The following ANKRD6 variants were observed in gnomAD, a reference collection of about 807,000 sequenced individuals.
ANKRD6 encodes ankyrin repeat domain-containing protein 6.
ANKRD6 carries 56 observed loss-of-function variants against 82.3 expected under a neutral mutation model. The ratio of observed to expected loss-of-function variants is 0.68; its 90% CI spans 0.55 to 0.85. The LOEUF (loss-of-function observed/expected upper bound fraction) is 0.85, where lower values mean the gene tolerates loss of function less well. ANKRD6 is among the 40% of genes least tolerant of loss of function. The pLI is 0.00. For synonymous variants in ANKRD6, 347 were observed against 352.1 expected (o/e 0.99, Z 0.16); for missense variants, 852 against 907.6 (o/e 0.94, Z 0.79).
At chr6:89,520,057 G>A (rs1275145735) in intron 1 of ANKRD6, among the ~76,000 whole-genome samples, 4 of 152,060 alleles carry the variant, frequency 2.6e-5, no homozygotes, top group African/African-American at 4.8e-5. Flanking sequence ...GCACAATCAC[G>A]GCTCACTTGC....
chr6:89,478,709 A>AT (rs1776382381), intron 1 of ANKRD6, among the ~76,000 whole-genome samples: 3 of 146,768 alleles, frequency 2.0e-5, no homozygotes, highest in African/African-American at 7.6e-5. Flanking sequence ...ATGAGCTGAG[A>AT]TTGCACCACT....
intron 5 of ANKRD6, 137 bp downstream of exon 5, chr6:89,606,242 C>A: frequency 1.6e-6 from 1 of 634,752 alleles, no homozygotes. Flanking sequence ...CCATTCGGCC[C>A]AGAAGTTTCA....
rs1775191767 is a variant in ANKRD6, at chr6:89,469,302, G to A, written c.-144+35927G>A. On this transcript the variant is annotated intron_variant, in intron 1 of 15. Transcript: ENST00000339746. ...GCCACTGTTTTCATTCACAACCTTA[G>A]CTCAGATCTCTGCCACATTAGCTTT... Among the ~76,000 whole-genome samples, 3 of 152,048 alleles carry A rather than the reference G, an allele frequency of 2.0e-5. 1 individual carries two copies. The highest frequency in any genetic ancestry group is 4.1e-4 in the South Asian group (2 of 4,820).
intron 1 of ANKRD6, among the ~76,000 whole-genome samples, chr6:89,440,988 T>A (rs1771302957): frequency 6.6e-6 from 1 of 152,174 alleles, no homozygotes; most frequent in Admixed American, 6.5e-5. Flanking sequence ...TTTTACTATC[T>A]GTTTTTTTAC....
rs544795944 is a variant in ANKRD6, at chr6:89,438,888, C to T, written c.-144+5513C>T. Among the ~76,000 whole-genome samples the T allele has an allele frequency of 5.3e-5, 8 of 152,244 alleles. No homozygotes were observed. The East Asian group carries it at 9.6e-4, about 18-fold the overall frequency. On this transcript the variant is annotated intron_variant, in intron 1 of 15. Coordinates refer to ENST00000339746, the MANE Select transcript of ANKRD6 (RefSeq NM_001242809.2). ...GAACTCCTGACCTCAGGTGATCCGC[C>T]GGCCTCGGCCTCCTAAAGTGCTGGG...
chr6:89,619,701 T>C (rs746997719), intron 9 of ANKRD6: 12 of 152,246 alleles, frequency 7.9e-5, no homozygotes, highest in Non-Finnish European at 1.5e-4. Flanking sequence ...CAAGGAACTT[T>C]AGGCATAAGA....
At chr6:89,571,145 G>A (rs1339479702) in intron 2 of ANKRD6, among the ~76,000 whole-genome samples, 1 of 152,060 alleles carries the variant, frequency 6.6e-6, no homozygotes, top group African/African-American at 2.4e-5. Context: ...TCCACCTCCC[G>A]GGTTCACGCC....
chr6:89,530,308 A>G (rs183879789), intron 1 of ANKRD6, among the ~76,000 whole-genome samples: 252 of 152,188 alleles, frequency 1.7e-3, no homozygotes, highest in Non-Finnish European at 3.1e-3. Flanking sequence ...TGACATATGG[A>G]CATGAAGTGA....
At chr6:89,511,773 TTTTG>T (rs1027260609) in intron 1 of ANKRD6, among the ~76,000 whole-genome samples, 14 of 152,168 alleles carry the variant, frequency 9.2e-5, no homozygotes, top group African/African-American at 1.7e-4. Context: ...AACTACATTT[TTTTG>T]TTTGTTTTAG....
At chr6:89,552,219 G>A (rs923526159) in intron 1 of ANKRD6, among the ~76,000 whole-genome samples, 1 of 152,210 alleles carries the variant, frequency 6.6e-6, no homozygotes, top group African/African-American at 2.4e-5. Context: ...GTATTCTTGC[G>A]AAGCATGTCC....
intron 2 of ANKRD6, among the ~76,000 whole-genome samples, chr6:89,595,194 T>G (rs1487037127): frequency 6.6e-6 from 1 of 152,138 alleles, no homozygotes; most frequent in East Asian, 1.9e-4. Context: ...TGAAACCCTG[T>G]CTACTTGAAA....
intron 2 of ANKRD6, among the ~76,000 whole-genome samples, chr6:89,588,806 G>A (rs1386330495): frequency 3.9e-5 from 6 of 152,044 alleles, no homozygotes; most frequent in Non-Finnish European, 8.8e-5. Flanking sequence ...AGGAGTTCGA[G>A]ACCAGCATGG....
At chr6:89,628,898 C>G (rs1321887198) in intron 14 of ANKRD6, 1 of 548,528 alleles carries the variant, frequency 1.8e-6, no homozygotes, top group African/African-American at 1.9e-5. Flanking sequence ...GGCCCCACCT[C>G]CAACACTGGG....
rs192165068 is a variant in ANKRD6, at chr6:89,530,278, G to C, written c.-143-36556G>C. Among the ~76,000 whole-genome samples, 210 of 152,012 alleles carry C rather than the reference G, an allele frequency of 1.4e-3. 1 individual carries two copies. Among genetic ancestry groups the C allele is most frequent in the African/African-American group, 4.7e-3 (195 of 41,466 alleles). The stretch of plus-strand genomic sequence containing the variant: ...TCAGAAGAAAAAAGTTTGAAATATT[G>C]CAAGAATTAGCAAAATGTATGACAT... On this transcript the variant is annotated intron_variant, in intron 1 of 15. Transcript: ENST00000339746.
intron 1 of ANKRD6, among the ~76,000 whole-genome samples, chr6:89,501,090 A>C (rs966448674): frequency 2.2e-4 from 33 of 150,724 alleles, no homozygotes; most frequent in South Asian, 1.0e-3. Context: ...ATTTCTTAGG[A>C]GTAGCTTTTG....
chr6:89,584,429 T>C (rs1793272609), intron 2 of ANKRD6, among the ~76,000 whole-genome samples: 1 of 152,334 alleles, frequency 6.6e-6, no homozygotes, highest in Non-Finnish European at 1.5e-5. Flanking sequence ...TTCTTTTAAG[T>C]TATAATGACT....
intron 1 of ANKRD6, among the ~76,000 whole-genome samples, chr6:89,533,718 G>A (rs904421754): frequency 1.4e-5 from 2 of 142,520 alleles, no homozygotes; most frequent in African/African-American, 5.2e-5. Flanking sequence ...GAGAGAGAGA[G>A]AGAAAATGAG....
At chr6:89,560,007 C>A (rs1444366462) in intron 1 of ANKRD6, among the ~76,000 whole-genome samples, 1 of 152,082 alleles carries the variant, frequency 6.6e-6, no homozygotes, top group Non-Finnish European at 1.5e-5. Flanking sequence ...ATTAAATGGA[C>A]ATTAAAGGCC....
At position 89,463,849 on chromosome 6, in the gene ANKRD6, T is replaced by C. The variant is rs574488361; in HGVS notation, c.-144+30474T>C. ...TACAAGCATAAGCCACCACGCCCAG[T>C]CAAAAATCTTATTTTATAAAAAAAA... On this transcript the variant is annotated intron_variant, in intron 1 of 15. Coordinates refer to ENST00000339746, the MANE Select transcript of ANKRD6 (RefSeq NM_001242809.2). 1.1e-4 allele frequency among the ~76,000 whole-genome samples: 16 copies of C among 152,208 alleles called. 1 individual carries two copies. The South Asian group carries it at 3.1e-3, about 30-fold the overall frequency.
Sources: allele counts gnomAD v4.1 joint callset (sites outside exome capture counted in the v4.1 genomes callset), GRCh38; gene constraint gnomAD v4.1.1; transcripts MANE v1.5; gene names NCBI Gene and HGNC (gene_info 2026-07-23, HGNC 2026-07-21).